The following FILIP1L variants were observed in gnomAD, a reference collection of about 807,000 sequenced individuals.
FILIP1L encodes the protein filamin A interacting protein 1 like.
A neutral mutation model predicts 96.6 loss-of-function variants in FILIP1L; 55 were observed. The ratio of observed to expected loss-of-function variants is 0.57; its 90% CI spans 0.46 to 0.71. The LOEUF (loss-of-function observed/expected upper bound fraction) is 0.71. Among genes scored for constraint, FILIP1L ranks in the 30% least tolerant of loss-of-function variants. FILIP1L has a pLI of 0.00. For missense variants in FILIP1L, 1,304 were observed against 1,321.2 expected (o/e 0.99, Z 0.20); for synonymous variants, 467 against 473.9 (o/e 0.99, Z 0.19).
chr3:99,921,441 C>T (rs547413852), intron 4 of FILIP1L, among the ~76,000 whole-genome samples: 2 of 152,214 alleles, frequency 1.3e-5, no homozygotes, highest in Admixed American at 6.5e-5. Context: ...GAAGGGTGGA[C>T]GTGAATGGGC....
In FILIP1L at chr3:99,849,001, A is replaced by C. The variant is rs1943514774; in HGVS notation, c.2675T>G (p.Leu892Arg). Residue 892 changes from leucine to arginine, a missense_variant, in exon 5 of 6, where the codon CTA (leucine) becomes CGA (arginine). By Grantham distance (102) the Leu-to-Arg change is moderately radical. Coordinates refer to ENST00000477258, the MANE Select transcript of FILIP1L (RefSeq NM_001387850.1). Reference protein sequence around the residue: ...PNANFVQPGDLVLSHTPGQPL... With the variant: ...PNANFVQPGDRVLSHTPGQPL... ...CTGCCCAGGTGTGTGGCTTAGGACTAGATCTCCAGGTTGCACAAAGTTGGC... is the reference window on the plus strand; with the variant it reads ...CTGCCCAGGTGTGTGGCTTAGGACTCGATCTCCAGGTTGCACAAAGTTGGC... 13 of 1,614,142 alleles carry C rather than the reference A, an allele frequency of 8.1e-6. No individual in the cohort carries two copies. The highest frequency in any genetic ancestry group is 1.1e-5 in the Non-Finnish European group (13 of 1,180,010).
chr3:99,930,692 C>T, intron 2 of FILIP1L, 77 bp downstream of exon 2: 1 of 1,490,972 alleles, frequency 6.7e-7, no homozygotes, highest in Non-Finnish European at 9.2e-7. Context: ...ATATCTATTT[C>T]TGTGGCAGCA....
In FILIP1L at chr3:99,930,924, G is replaced by A. The variant is rs907136041; in HGVS notation, c.97C>T (p.His33Tyr). The A allele has an allele frequency of 8.1e-6, 13 of 1,613,446 alleles. No homozygotes were observed. Among genetic ancestry groups the A allele is most frequent in the Non-Finnish European group, 1.1e-5 (13 of 1,179,874 alleles). The change falls in exon 2 of 6, where the codon CAT becomes TAT. Residue 33 changes from histidine (H) to tyrosine (Y), a missense_variant. Physicochemically the swap from His to Tyr is moderately conservative, Grantham distance 83. Transcript: ENST00000477258. ...HSFQGPKNMK[H>Y]RQQDKDSPSE... ...GGGGAGTCTTTGTCTTGCTGTCTATGCTTCATGTTTTTAGGCCCTTGGAAA... is the reference window on the plus strand; with the variant it reads ...GGGGAGTCTTTGTCTTGCTGTCTATACTTCATGTTTTTAGGCCCTTGGAAA...
At chr3:99,925,902 C>A in intron 3 of FILIP1L, 2 of 985,128 alleles carry the variant, frequency 2.0e-6, no homozygotes, top group Non-Finnish European at 2.4e-6. Context: ...TTGCCCAGCA[C>A]GGGGTAAGCT....
At chr3:99,948,127 G>A (rs1708064432) in intron 1 of FILIP1L, among the ~76,000 whole-genome samples, 1 of 152,142 alleles carries the variant, frequency 6.6e-6, no homozygotes. Flanking sequence ...CAAAAAATAA[G>A]TAGTTAACAG....
At chr3:100,042,316 T>C (rs2065218355) in intron 1 of FILIP1L, among the ~76,000 whole-genome samples, 1 of 152,170 alleles carries the variant, frequency 6.6e-6, no homozygotes, top group African/African-American at 2.4e-5. Flanking sequence ...TTTTGTATTC[T>C]AATAAGAAGA....
At chr3:99,934,381 G>C (rs1707590064) in intron 1 of FILIP1L, among the ~76,000 whole-genome samples, 1 of 152,100 alleles carries the variant, frequency 6.6e-6, no homozygotes, top group African/African-American at 2.4e-5. Flanking sequence ...AAATATATTT[G>C]GTTCTTTACT....
At position 100,083,066 on chromosome 3, in the gene FILIP1L, C is replaced by T. The variant is rs542213784; in HGVS notation, c.-11+30987G>A. On this transcript the variant is annotated intron_variant, in intron 1 of 5. Transcript: ENST00000477258. ...TATTTATGAAATTACAATTATTTTC[C>T]AGCAATTTCCAGGTCTAAATAAAAT... is the stretch of plus-strand genomic sequence containing the variant. Among the ~76,000 whole-genome samples, 9 of 152,214 alleles carry T rather than the reference C, an allele frequency of 5.9e-5. No individual in the cohort carries two copies. The East Asian group carries it at 1.5e-3, about 26-fold the overall frequency.
chr3:100,070,591 T>C (rs992037303), intron 1 of FILIP1L, among the ~76,000 whole-genome samples: 2 of 152,202 alleles, frequency 1.3e-5, no homozygotes, highest in Non-Finnish European at 2.9e-5. Context: ...AAGTTGTCTA[T>C]GAATAAAGAC....
At chr3:99,983,406 A>G (rs1446813734) in intron 1 of FILIP1L, among the ~76,000 whole-genome samples, 5 of 110,602 alleles carry the variant, frequency 4.5e-5, no homozygotes, top group Admixed American at 2.0e-4. Context: ...ATATATATAT[A>G]TATATATATA....
intron 4 of FILIP1L, among the ~76,000 whole-genome samples, chr3:99,875,146 A>G (rs766386225): frequency 2.6e-5 from 4 of 152,220 alleles, no homozygotes; most frequent in Admixed American, 2.6e-4. Context: ...TCTAAAGTTG[A>G]CATAACCTTT....
intron 1 of FILIP1L, among the ~76,000 whole-genome samples, chr3:100,111,288 G>A (rs543141148): frequency 6.6e-6 from 1 of 152,162 alleles, no homozygotes; most frequent in African/African-American, 2.4e-5. Context: ...CAAACAATAG[G>A]TCAGGGCTAT....
chr3:99,978,546 A>AATAAGCCAGG (rs1709033059), intron 1 of FILIP1L, among the ~76,000 whole-genome samples: 4 of 152,240 alleles, frequency 2.6e-5, no homozygotes, highest in Non-Finnish European at 4.4e-5. Context: ...AGAAGGATGA[A>AATAAGCCAGG]CACACCACAT....
chr3:99,942,605 GC>G (rs756969209), intron 1 of FILIP1L, among the ~76,000 whole-genome samples: 5 of 152,336 alleles, frequency 3.3e-5, no homozygotes, highest in Non-Finnish European at 5.9e-5. Context: ...ACCGAGGCGG[GC>G]GGATCACCTG....
At chr3:99,970,948 A>G (rs1290327900) in intron 1 of FILIP1L, among the ~76,000 whole-genome samples, 1 of 152,232 alleles carries the variant, frequency 6.6e-6, no homozygotes, top group African/African-American at 2.4e-5. Flanking sequence ...GTGAAGGAAT[A>G]GGGCTTGGCA....
intron 1 of FILIP1L, among the ~76,000 whole-genome samples, chr3:99,980,402 A>C (rs558820744): frequency 2.5e-4 from 38 of 152,280 alleles, no homozygotes; most frequent in African/African-American, 8.2e-4. Flanking sequence ...GGTATAGTAC[A>C]TCAGATATGT....
intron 1 of FILIP1L, among the ~76,000 whole-genome samples, chr3:100,078,661 C>G (rs528889662): frequency 6.6e-6 from 1 of 152,220 alleles, no homozygotes; most frequent in African/African-American, 2.4e-5. Flanking sequence ...GAGGCCGAGG[C>G]AGGCAGATCA....
At chr3:100,032,237 G>A (rs928224813) in intron 1 of FILIP1L, among the ~76,000 whole-genome samples, 2 of 152,214 alleles carry the variant, frequency 1.3e-5, no homozygotes, top group African/African-American at 4.8e-5. Flanking sequence ...CTTTCAGAGA[G>A]AGCAGATGGA....
intron 4 of FILIP1L, among the ~76,000 whole-genome samples, chr3:99,876,532 T>C (rs1705534308): frequency 6.6e-6 from 1 of 152,272 alleles, no homozygotes; most frequent in East Asian, 1.9e-4. Context: ...CTGTTATTCT[T>C]ATGTAAACTT....
Sources: gnomAD v4.1 joint callset for allele counts (sites outside exome capture counted in the v4.1 genomes callset) on GRCh38, gnomAD v4.1.1 for gene constraint, MANE v1.5 for transcripts, NCBI Gene and HGNC (gene_info 2026-07-23, HGNC 2026-07-21) for gene names.